The following MID1 variants were observed in gnomAD, a reference collection of about 807,000 sequenced individuals.
MID1 encodes the protein E3 ubiquitin-protein ligase Midline-1.
In MID1, 7 loss-of-function variants were observed where a neutral mutation model predicts 40.4. The ratio of observed to expected loss-of-function variants is 0.17; its 90% CI spans 0.10 to 0.33. The LOEUF (loss-of-function observed/expected upper bound fraction) is 0.33. MID1 is among the 10% of genes least tolerant of loss of function. MID1 has a pLI of 1.00. For missense variants in MID1, 367 were observed against 558.5 expected (o/e 0.66, Z 3.46); for synonymous variants, 229 against 221.2 (o/e 1.04, Z -0.31).
At chrX:10,570,965 A>G (rs1934704576) in intron 1 of MID1, among the ~76,000 whole-genome samples, 1 of 98,190 alleles carries the variant, frequency 1.0e-5, no homozygotes, top group East Asian at 3.0e-4. Context: ...AGCAGCAAGG[A>G]TGGCGGAGCA....
chrX:10,560,191 G>A (rs1222064419), intron 2 of MID1, among the ~76,000 whole-genome samples: 2 of 110,829 alleles, frequency 1.8e-5, no homozygotes, highest in Admixed American at 9.7e-5. Context: ...CAGCCATATC[G>A]TTCTTAATAA....
intron 1 of MID1, among the ~76,000 whole-genome samples, chrX:10,806,382 C>T (rs2044048305): frequency 8.9e-6 from 1 of 112,112 alleles, no homozygotes; most frequent in Admixed American, 9.5e-5. Context: ...CCAATGGCTT[C>T]TGCTTCAGGT....
At chrX:10,711,171 A>G (rs1177920621) in intron 1 of MID1, among the ~76,000 whole-genome samples, 4 of 111,536 alleles carry the variant, frequency 3.6e-5, no homozygotes, top group African/African-American at 9.8e-5. Context: ...TGTATTAATG[A>G]GCTATTGTCA....
At chrX:10,772,705 A>C (rs2043778960) in intron 1 of MID1, among the ~76,000 whole-genome samples, 1 of 111,477 alleles carries the variant, frequency 9.0e-6, no homozygotes, top group African/African-American at 3.2e-5. Context: ...ATTGAGTTAA[A>C]ATTTATATTA....
intron 1 of MID1, among the ~76,000 whole-genome samples, chrX:10,661,249 A>T (rs980669008): frequency 1.8e-5 from 2 of 111,456 alleles, no homozygotes; most frequent in African/African-American, 6.5e-5. Context: ...CATTGGGGGA[A>T]GCCGCATGAA....
chrX:10,732,966 C>G (rs1475579752), intron 1 of MID1, among the ~76,000 whole-genome samples: 3 of 108,782 alleles, frequency 2.8e-5, no homozygotes, highest in Non-Finnish European at 5.7e-5. Context: ...CGGGTTCATG[C>G]CATTCTCCTG....
intron 1 of MID1, among the ~76,000 whole-genome samples, chrX:10,793,969 C>T (rs903633325): frequency 8.9e-6 from 1 of 111,763 alleles, no homozygotes; most frequent in African/African-American, 3.3e-5. Flanking sequence ...TGCCTTGCTC[C>T]CTTTCTCCTT....
chrX:10,809,502 A>C (rs1054845962), intron 1 of MID1, among the ~76,000 whole-genome samples: 11 of 111,694 alleles, frequency 9.8e-5, no homozygotes, highest in Non-Finnish European at 1.7e-4. Flanking sequence ...GGCACTATTC[A>C]CAATAGCAAA....
At chrX:10,723,255 T>C (rs1157593933) in intron 1 of MID1, among the ~76,000 whole-genome samples, 3 of 111,897 alleles carry the variant, frequency 2.7e-5, no homozygotes, top group Non-Finnish European at 5.6e-5. Context: ...CAAGACCACA[T>C]TTCCAGCGGC....
intron 1 of MID1, among the ~76,000 whole-genome samples, chrX:10,679,507 G>T (rs1032776546): frequency 8.9e-6 from 1 of 111,851 alleles, no homozygotes; most frequent in Admixed American, 9.5e-5. Flanking sequence ...ATAAATAAAG[G>T]TGTATTAGTA....
chrX:10,496,801 T>C (rs1372287241), intron 3 of MID1, among the ~76,000 whole-genome samples: 2 of 112,293 alleles, frequency 1.8e-5, no homozygotes, highest in Non-Finnish European at 3.8e-5. Flanking sequence ...CCAGGATTCC[T>C]TGAATTTTAT....
intron 4 of MID1, among the ~76,000 whole-genome samples, chrX:10,494,775 A>C (rs1931155211): frequency 1.0e-5 from 1 of 95,864 alleles, no homozygotes; most frequent in African/African-American, 4.9e-5. Flanking sequence ...CTGTCTCAAA[A>C]AAAAAAAAAA....
intron 3 of MID1, among the ~76,000 whole-genome samples, chrX:10,502,606 C>T (rs1931612298): frequency 8.9e-6 from 1 of 111,738 alleles, no homozygotes; most frequent in Non-Finnish European, 1.9e-5. Flanking sequence ...AAACTGTGAA[C>T]CCTTTAGTTT....
intron 1 of MID1, among the ~76,000 whole-genome samples, chrX:10,721,198 TA>T (rs929463600): frequency 4.1e-4 from 45 of 110,458 alleles, no homozygotes; most frequent in African/African-American, 1.4e-3. Context: ...TAAAGTATAA[TA>T]AAAAAAAGAA....
chrX:10,457,605 C>G (rs180959014), intron 8 of MID1, among the ~76,000 whole-genome samples: 1 of 111,951 alleles, frequency 8.9e-6, no homozygotes, highest in East Asian at 2.8e-4. Context: ...ATCCACTCAC[C>G]ACATCATAGT....
At chrX:10,502,706 C>T (rs1053463116) in intron 3 of MID1, among the ~76,000 whole-genome samples, 1 of 111,903 alleles carries the variant, frequency 8.9e-6, no homozygotes, top group African/African-American at 3.2e-5. Context: ...TGCCTAGATT[C>T]GGCCTCATGG....
At chrX:10,499,542 T>TA (rs1297159200) in intron 3 of MID1, among the ~76,000 whole-genome samples, 2 of 112,155 alleles carry the variant, frequency 1.8e-5, no homozygotes, top group Non-Finnish European at 3.8e-5. Flanking sequence ...CATGGAGACT[T>TA]ACTGTTCTGT....
chrX:10,526,654 C>T (rs1314876209), intron 2 of MID1, among the ~76,000 whole-genome samples: 1 of 110,490 alleles, frequency 9.1e-6, no homozygotes, highest in Non-Finnish European at 1.9e-5. Flanking sequence ...CAAACATCTG[C>T]TTGCTTCCCC....
chrX:10,796,445 T>G (rs1298130030), intron 1 of MID1, among the ~76,000 whole-genome samples: 1 of 108,857 alleles, frequency 9.2e-6, no homozygotes, highest in Non-Finnish European at 1.9e-5. Context: ...TTTAATGATT[T>G]TTTTTTTGAT....
Sources: gnomAD v4.1 joint callset for allele counts (sites outside exome capture counted in the v4.1 genomes callset) on GRCh38, gnomAD v4.1.1 for gene constraint, MANE v1.5 for transcripts, NCBI Gene and HGNC (gene_info 2026-07-23, HGNC 2026-07-21) for gene names.